Variants in TOGARAM1 observed in about 807,000 individuals in gnomAD.
TOGARAM1 encodes the protein TOG array regulator of axonemal microtubules 1.
Under a neutral mutation model 166.6 loss-of-function variants are expected in TOGARAM1, and 100 were observed. The observed-to-expected ratio is 0.60, with a 90% CI of 0.51 to 0.71. The LOEUF (loss-of-function observed/expected upper bound fraction) is 0.71. Ranked by LOEUF, TOGARAM1 falls within the 30% of genes least tolerant of loss-of-function variation. The pLI, the probability that TOGARAM1 is intolerant of heterozygous loss-of-function variation, is 0.00. For missense variants in TOGARAM1, 2,029 were observed against 2,102.7 expected, an observed-to-expected ratio of 0.96 and a Z score of 0.69; for synonymous variants, 758 against 763.8, an observed-to-expected ratio of 0.99 and a Z score of 0.13.
chr14:45,062,232 A>G (rs1882930202), intron 16 of TOGARAM1, among the ~76,000 whole-genome samples: 1 of 151,976 alleles, frequency 6.6e-6, no homozygotes, highest in South Asian at 2.1e-4. Context: ...GACATCCCCA[A>G]TGTATTTGTG....
intron 5 of TOGARAM1, 63 bp from the exon 6 acceptor site, chr14:45,008,850 G>T: frequency 7.4e-7 from 1 of 1,346,610 alleles, no homozygotes; most frequent in South Asian, 1.4e-5. Context: ...TAAAATTTAA[G>T]GATAACTTTT....
intron 7 of TOGARAM1, among the ~76,000 whole-genome samples, chr14:45,022,136 C>T (rs1330951463): frequency 3.3e-5 from 5 of 151,830 alleles, no homozygotes; most frequent in Non-Finnish European, 7.4e-5. Context: ...CTGACATCTG[C>T]GATAGTCCCT....
chr14:45,014,056 T>C (rs1374786229), intron 7 of TOGARAM1, among the ~76,000 whole-genome samples: 1 of 150,892 alleles, frequency 6.6e-6, no homozygotes, highest in Non-Finnish European at 1.5e-5. Context: ...TTTTTTTTTT[T>C]TTTTTTGAGA....
At chr14:45,005,488 C>A (rs989095075) in intron 4 of TOGARAM1, among the ~76,000 whole-genome samples, 3 of 152,068 alleles carry the variant, frequency 2.0e-5, no homozygotes, top group African/African-American at 7.2e-5. Flanking sequence ...ATGGCACGTG[C>A]CTGTAATCCC....
chr14:45,029,625 A>G (rs1220862635), intron 10 of TOGARAM1, among the ~76,000 whole-genome samples: 1 of 152,212 alleles, frequency 6.6e-6, no homozygotes, highest in African/African-American at 2.4e-5. Context: ...CAGTTAAGAA[A>G]CTTTCTATCA....
At chr14:45,038,625 A>T (rs1327945106) in intron 11 of TOGARAM1, among the ~76,000 whole-genome samples, 1 of 152,182 alleles carries the variant, frequency 6.6e-6, no homozygotes, top group Non-Finnish European at 1.5e-5. Context: ...CCCCAAAGAG[A>T]GTATCACAGC....
chr14:44,986,051 G>T (rs1566609808), intron 1 of TOGARAM1, among the ~76,000 whole-genome samples: 1 of 152,136 alleles, frequency 6.6e-6, no homozygotes, highest in Non-Finnish European at 1.5e-5. Flanking sequence ...TTGAAGACAT[G>T]ATTTTACAAT....
intron 14 of TOGARAM1, among the ~76,000 whole-genome samples, chr14:45,049,952 A>G (rs1485896172): frequency 6.6e-6 from 1 of 152,146 alleles, no homozygotes. Context: ...ATTTAAAGTT[A>G]TAAAATTATA....
At chr14:45,056,962 ATTTGTTTG>A (rs534609133) in intron 16 of TOGARAM1, among the ~76,000 whole-genome samples, 1 of 148,842 alleles carries the variant, frequency 6.7e-6, no homozygotes, top group South Asian at 2.1e-4. Context: ...TTATTTATTT[ATTTGTTTG>A]TTTGTTTATT....
intron 19 of TOGARAM1, among the ~76,000 whole-genome samples, chr14:45,072,732 T>C (rs1009502276): frequency 6.6e-6 from 1 of 152,018 alleles, no homozygotes; most frequent in African/African-American, 2.4e-5. Flanking sequence ...GCCCAGTCTC[T>C]GGAACTTCTA....
At chr14:45,035,668 G>C (rs1421132436) in intron 11 of TOGARAM1, among the ~76,000 whole-genome samples, 1 of 151,996 alleles carries the variant, frequency 6.6e-6, no homozygotes, top group Non-Finnish European at 1.5e-5. Flanking sequence ...AAAATAGCTA[G>C]GGGCAAGACA....
At chr14:45,068,371 A>G in intron 17 of TOGARAM1, 53 bp from the exon 18 acceptor site, 1 of 1,261,820 alleles carries the variant, frequency 7.9e-7, no homozygotes, top group Non-Finnish European at 1.1e-6. Context: ...ACTTATAAAT[A>G]CAATAGCTAT....
intron 11 of TOGARAM1, among the ~76,000 whole-genome samples, chr14:45,034,615 C>T (rs989970440): frequency 2.0e-5 from 3 of 152,130 alleles, no homozygotes; most frequent in African/African-American, 4.8e-5. Context: ...TCATAATTCA[C>T]AGGGCATTGG....
chr14:45,026,333 T>C (rs904771229), intron 8 of TOGARAM1, among the ~76,000 whole-genome samples: 2 of 152,208 alleles, frequency 1.3e-5, no homozygotes, highest in African/African-American at 2.4e-5. Context: ...TTAAAGCTAT[T>C]TTCTATTTTA....
At chr14:45,031,296 G>A (rs997245572) in intron 10 of TOGARAM1, among the ~76,000 whole-genome samples, 12 of 152,088 alleles carry the variant, frequency 7.9e-5, no homozygotes, top group Non-Finnish European at 1.5e-4. Context: ...TCCACTGCAC[G>A]TGTCTCGCAT....
chr14:44,987,900 A>G (rs1234253364), intron 1 of TOGARAM1, among the ~76,000 whole-genome samples: 3 of 151,292 alleles, frequency 2.0e-5, no homozygotes, highest in Non-Finnish European at 4.4e-5. Flanking sequence ...TGTGGCACAT[A>G]TACACCATGG....
intron 4 of TOGARAM1, among the ~76,000 whole-genome samples, chr14:45,005,156 C>T (rs566702080): frequency 6.6e-6 from 1 of 151,886 alleles, no homozygotes; most frequent in Non-Finnish European, 1.5e-5. Context: ...CTCAGGTGAT[C>T]AACCCGCCTC....
intron 8 of TOGARAM1, among the ~76,000 whole-genome samples, chr14:45,026,789 A>G (rs1179015820): frequency 6.6e-6 from 1 of 151,426 alleles, no homozygotes; most frequent in Non-Finnish European, 1.5e-5. Flanking sequence ...CTTGAACTCA[A>G]GAGTTCAAGA....
At position 44,964,195 on chromosome 14, in the gene TOGARAM1, C is replaced by T; in HGVS notation, c.1774C>T (p.Leu592=). ...GCAGGGATTTGTGGAATATGCAGTA[C>T]TGATGCCATCTTCTGCCGGGGGTAG... is the stretch of plus-strand genomic sequence containing the variant. ...TEQGFVEYAV[L]MPSSAGGRSN... The change falls in exon 1 of 20, where the codon CTG becomes TTG. Residue 592 remains leucine (L), a synonymous_variant. Coordinates refer to ENST00000361462, the MANE Select transcript of TOGARAM1 (RefSeq NM_001308120.2). 6.2e-7 allele frequency: 1 copy of T among 1,614,176 alleles called. No homozygotes were observed. The highest frequency in any genetic ancestry group is 8.5e-7 in the Non-Finnish European group (1 of 1,180,034).
Sources: allele counts gnomAD v4.1 joint callset (sites outside exome capture counted in the v4.1 genomes callset), GRCh38; gene constraint gnomAD v4.1.1; transcripts MANE v1.5; gene names NCBI Gene and HGNC (gene_info 2026-07-23, HGNC 2026-07-21).